The following ACSS3 variants were observed in gnomAD, a reference collection of about 807,000 sequenced individuals.
ACSS3 encodes acyl-CoA synthetase short chain family member 3, also known as acyl-CoA synthetase short-chain family member 3, mitochondrial.
ACSS3 carries 64 observed loss-of-function variants against 84.2 expected under a neutral mutation model. That is an observed-to-expected ratio of 0.76 (90% CI 0.62 to 0.94). The LOEUF (loss-of-function observed/expected upper bound fraction) is 0.94. Ranked by LOEUF, ACSS3 falls within the 40% of genes least tolerant of loss-of-function variation. The pLI, the probability that ACSS3 is intolerant of heterozygous loss-of-function variation, is 0.00. For synonymous variants in ACSS3, 317 were observed against 310.1 expected (o/e 1.02, Z -0.23); for missense variants, 815 against 867.6 (o/e 0.94, Z 0.76).
At chr12:81,089,906 C>T (rs577036586) in intron 1 of ACSS3, among the ~76,000 whole-genome samples, 5 of 152,006 alleles carry the variant, frequency 3.3e-5, no homozygotes, top group Admixed American at 6.6e-5. Context: ...GTGGCTTGTC[C>T]GAAGTTATAC....
intron 9 of ACSS3, among the ~76,000 whole-genome samples, chr12:81,202,052 G>A (rs922048929): frequency 1.3e-5 from 2 of 152,066 alleles, no homozygotes; most frequent in African/African-American, 4.8e-5. Flanking sequence ...GGCCGAGGTG[G>A]GCGGATCACG....
intron 13 of ACSS3, among the ~76,000 whole-genome samples, chr12:81,249,465 A>C (rs11114805): frequency 0.18 from 27,026 of 152,004 alleles, 2,589 homozygotes; most frequent in Non-Finnish European, 0.22. Flanking sequence ...CACGGTTCAC[A>C]TGCCTTTTGC....
intron 13 of ACSS3, among the ~76,000 whole-genome samples, chr12:81,242,344 G>T (rs1488324968): frequency 2.0e-5 from 3 of 151,972 alleles, no homozygotes; most frequent in African/African-American, 7.2e-5. Flanking sequence ...AATAACAGGA[G>T]CTGAAATTGT....
chr12:81,216,262 G>C (rs1479822306), intron 9 of ACSS3, among the ~76,000 whole-genome samples: 1 of 151,074 alleles, frequency 6.6e-6, no homozygotes, highest in East Asian at 1.9e-4. Context: ...AGAACACATG[G>C]ACACAGGAGG....
chr12:81,198,237 AC>A (rs1464097805), intron 8 of ACSS3, among the ~76,000 whole-genome samples: 7 of 152,088 alleles, frequency 4.6e-5, no homozygotes, highest in Non-Finnish European at 7.4e-5. Context: ...AATTTCATGT[AC>A]TTTGATTGGT....
chr12:81,191,665 T>C (rs1307761702), intron 8 of ACSS3, among the ~76,000 whole-genome samples: 1 of 152,112 alleles, frequency 6.6e-6, no homozygotes, highest in African/African-American at 2.4e-5. Flanking sequence ...TTTCAGAACT[T>C]TTCCATCTCT....
At chr12:81,192,013 C>T (rs985539184) in intron 8 of ACSS3, among the ~76,000 whole-genome samples, 4 of 152,160 alleles carry the variant, frequency 2.6e-5, no homozygotes, top group African/African-American at 4.8e-5. Context: ...TTATGTGTGT[C>T]TTTCTAATGT....
At chr12:81,213,851 C>CCCTCCTCTCT (rs2032750624) in intron 9 of ACSS3, among the ~76,000 whole-genome samples, 1 of 60,794 alleles carries the variant, frequency 1.6e-5, no homozygotes, top group African/African-American at 6.3e-5. Context: ...CTCTCCTCTC[C>CCCTCCTCTCT]TCTCTTCTCT....
chr12:81,079,515 GTC>G (rs1880837224), intron 1 of ACSS3, among the ~76,000 whole-genome samples: 1 of 152,206 alleles, frequency 6.6e-6, no homozygotes, highest in Non-Finnish European at 1.5e-5. Flanking sequence ...CCTGTTCTGT[GTC>G]TCCACCATGC....
chr12:81,217,603 G>T (rs2135944109), intron 10 of ACSS3, among the ~76,000 whole-genome samples: 1 of 152,296 alleles, frequency 6.6e-6, no homozygotes, highest in East Asian at 1.9e-4. Flanking sequence ...AGCATTTTGG[G>T]AGGCCAAGGC....
At chr12:81,221,166 GTTGA>G (rs939446847) in intron 11 of ACSS3, among the ~76,000 whole-genome samples, 21 of 152,170 alleles carry the variant, frequency 1.4e-4, no homozygotes, top group African/African-American at 4.8e-4. Flanking sequence ...AGAAATGGAA[GTTGA>G]TTAAGTTAGA....
chr12:81,148,415 T>C (rs996046997), intron 5 of ACSS3, among the ~76,000 whole-genome samples: 3 of 152,226 alleles, frequency 2.0e-5, no homozygotes, highest in African/African-American at 7.2e-5. Context: ...TAAAGAACTA[T>C]CTGTGATAAC....
intron 2 of ACSS3, among the ~76,000 whole-genome samples, chr12:81,131,406 G>A (rs139626286): frequency 6.6e-6 from 1 of 151,934 alleles, no homozygotes; most frequent in East Asian, 1.9e-4. Context: ...ATGGGAATTC[G>A]CTCATGATTT....
At chr12:81,162,112 C>A (rs766240974) in intron 7 of ACSS3, among the ~76,000 whole-genome samples, 2 of 152,182 alleles carry the variant, frequency 1.3e-5, no homozygotes, top group Non-Finnish European at 2.9e-5. Flanking sequence ...TCTTTCAGTT[C>A]AGCCATTTGG....
At chr12:81,108,268 ATT>A (rs1883256419) in intron 1 of ACSS3, among the ~76,000 whole-genome samples, 5 of 56,580 alleles carry the variant, frequency 8.8e-5, no homozygotes, top group Non-Finnish European at 1.9e-4. Flanking sequence ...ATTATTAATT[ATT>A]ATTATTATTA....
chr12:81,092,536 C>T (rs1178381412), intron 1 of ACSS3, among the ~76,000 whole-genome samples: 4 of 152,044 alleles, frequency 2.6e-5, no homozygotes, highest in Middle Eastern at 3.4e-3. Context: ...TGAACAGTGG[C>T]CATTTTCTAA....
At chr12:81,224,551 CAT>C (rs544655798) in intron 11 of ACSS3, among the ~76,000 whole-genome samples, 26 of 129,286 alleles carry the variant, frequency 2.0e-4, no homozygotes, top group South Asian at 2.5e-4. Flanking sequence ...TACATACATA[CAT>C]ATATATATAC....
chr12:81,109,089 T>C (rs1565980089), intron 1 of ACSS3, among the ~76,000 whole-genome samples: 1 of 152,172 alleles, frequency 6.6e-6, no homozygotes, highest in Non-Finnish European at 1.5e-5. Flanking sequence ...TTAACTGAAA[T>C]AAAAAATACT....
intron 9 of ACSS3, among the ~76,000 whole-genome samples, chr12:81,200,286 A>G (rs912060131): frequency 6.6e-6 from 1 of 152,210 alleles, no homozygotes; most frequent in Non-Finnish European, 1.5e-5. Flanking sequence ...GCTATGAGCC[A>G]TGGGAGCCCT....
Sources: gnomAD v4.1 joint callset for allele counts (sites outside exome capture counted in the v4.1 genomes callset) on GRCh38, gnomAD v4.1.1 for gene constraint, MANE v1.5 for transcripts, NCBI Gene and HGNC (gene_info 2026-07-23, HGNC 2026-07-21) for gene names.